Variants in ERC2 observed in about 807,000 individuals in gnomAD.
ERC2 encodes ERC protein 2.
A neutral mutation model predicts 114.8 loss-of-function variants in ERC2; 42 were observed. The ratio of observed to expected loss-of-function variants is 0.37; its 90% CI spans 0.29 to 0.47. ERC2 has a LOEUF of 0.47. Among genes scored for constraint, ERC2 ranks in the 20% least tolerant of loss-of-function variants. The pLI is 0.99. For missense variants in ERC2, 939 were observed against 1,150.7 expected (o/e 0.82, Z 2.66); for synonymous variants, 454 against 425.5 (o/e 1.07, Z -0.82).
chr3:55,835,042 T>C (rs1335990498), intron 14 of ERC2, among the ~76,000 whole-genome samples: 5 of 151,530 alleles, frequency 3.3e-5, no homozygotes, highest in Non-Finnish European at 7.4e-5. Context: ...CTCCCAAGAC[T>C]AAACCAGGAA....
At chr3:55,854,383 TG>T (rs111998435) in intron 14 of ERC2, among the ~76,000 whole-genome samples, 1 of 151,764 alleles carries the variant, frequency 6.6e-6, no homozygotes, top group African/African-American at 2.4e-5. Flanking sequence ...TGTTTTGTTT[TG>T]GTTTTGGTTT....
chr3:56,286,581 C>A (rs1334726435), intron 3 of ERC2, among the ~76,000 whole-genome samples: 1 of 152,082 alleles, frequency 6.6e-6, no homozygotes, highest in Non-Finnish European at 1.5e-5. Context: ...ACTTACTTAT[C>A]CTTAATTCAG....
chr3:55,683,302 T>A (rs1449304750), intron 17 of ERC2, among the ~76,000 whole-genome samples: 1 of 152,192 alleles, frequency 6.6e-6, no homozygotes, highest in African/African-American at 2.4e-5. Context: ...TAAACGGCCT[T>A]CTTAGAGATG....
In ERC2 at chr3:55,508,378, A is replaced by G. The variant is rs2051885843; in HGVS notation, c.*2938T>C. ...GATCAGCACAAAGTACTTCTCATACACATGACAACAAATTTATGAACTGTA... is the reference window on the plus strand; with the variant it reads ...GATCAGCACAAAGTACTTCTCATACGCATGACAACAAATTTATGAACTGTA... On this transcript the variant is annotated 3_prime_UTR_variant, in exon 18 of 18. Coordinates refer to ENST00000288221, the MANE Select transcript of ERC2 (RefSeq NM_015576.3). 6.5e-6 allele frequency: 1 copy of G among 152,684 alleles called. No individual in the cohort carries two copies. The allele number at this position is 152,684 out of a possible 1,614,324, so 9.5% of individuals were successfully genotyped here.
At chr3:55,662,581 G>A (rs1305037215) in intron 17 of ERC2, among the ~76,000 whole-genome samples, 3 of 152,178 alleles carry the variant, frequency 2.0e-5, no homozygotes, top group Non-Finnish European at 2.9e-5. Context: ...ATTGCTTCTG[G>A]GGAGAAGTGT....
At chr3:55,542,523 T>C (rs1348656305) in intron 17 of ERC2, among the ~76,000 whole-genome samples, 2 of 152,146 alleles carry the variant, frequency 1.3e-5, no homozygotes, top group African/African-American at 2.4e-5. Context: ...TTCTCATGCC[T>C]TGAAAAAGCA....
intron 3 of ERC2, among the ~76,000 whole-genome samples, chr3:56,294,663 T>G (rs1451929257): frequency 1.3e-5 from 2 of 152,240 alleles, no homozygotes; most frequent in African/African-American, 4.8e-5. Context: ...TGACATTCTG[T>G]TAATTTTGCC....
At chr3:56,234,157 T>C (rs999017092) in intron 3 of ERC2, among the ~76,000 whole-genome samples, 3 of 152,230 alleles carry the variant, frequency 2.0e-5, no homozygotes, top group Non-Finnish European at 4.4e-5. Flanking sequence ...TACAATTCTA[T>C]ATCTTAGAGA....
chr3:55,715,488 A>G (rs905946631), intron 15 of ERC2, among the ~76,000 whole-genome samples: 1 of 152,316 alleles, frequency 6.6e-6, no homozygotes. Context: ...GAACTTGGTA[A>G]TTATATAGAA....
intron 10 of ERC2, among the ~76,000 whole-genome samples, chr3:56,003,579 C>G (rs1165359123): frequency 2.0e-5 from 3 of 152,076 alleles, no homozygotes; most frequent in Non-Finnish European, 4.4e-5. Flanking sequence ...TACATTAACA[C>G]AAGCCTGAAT....
At chr3:56,346,130 G>A (rs1251642424) in intron 2 of ERC2, among the ~76,000 whole-genome samples, 3 of 152,038 alleles carry the variant, frequency 2.0e-5, no homozygotes, top group Non-Finnish European at 4.4e-5. Context: ...TTATGTTACA[G>A]GAATCTCTAT....
intron 1 of ERC2, among the ~76,000 whole-genome samples, chr3:56,467,877 G>C (rs1337859748): frequency 2.6e-5 from 4 of 152,004 alleles, no homozygotes; most frequent in Non-Finnish European, 4.4e-5. Flanking sequence ...AGGCAAGAGG[G>C]GACGCCAGGC....
chr3:55,722,880 T>G (rs1418993595), intron 15 of ERC2, among the ~76,000 whole-genome samples: 1 of 152,212 alleles, frequency 6.6e-6, no homozygotes, highest in Non-Finnish European at 1.5e-5. Context: ...TTTAAATATT[T>G]ACGAATGTCA....
chr3:56,281,034 T>C (rs2054302494), intron 3 of ERC2, among the ~76,000 whole-genome samples: 1 of 152,262 alleles, frequency 6.6e-6, no homozygotes, highest in Non-Finnish European at 1.5e-5. Flanking sequence ...AATATTTTGA[T>C]AAATCATAAG....
At chr3:55,849,566 C>T (rs367588980) in intron 14 of ERC2, among the ~76,000 whole-genome samples, 5 of 152,310 alleles carry the variant, frequency 3.3e-5, no homozygotes, top group South Asian at 4.1e-4. Flanking sequence ...TAATAGCTGG[C>T]ACCGACGCAG....
chr3:55,958,697 T>A (rs1321790855), intron 12 of ERC2, among the ~76,000 whole-genome samples: 1 of 152,032 alleles, frequency 6.6e-6, no homozygotes, highest in South Asian at 2.1e-4. Flanking sequence ...GAAGCTGGAG[T>A]GTCAGTGCTG....
intron 13 of ERC2, among the ~76,000 whole-genome samples, chr3:55,902,106 T>C (rs910620435): frequency 6.6e-6 from 1 of 152,238 alleles, no homozygotes; most frequent in Non-Finnish European, 1.5e-5. Flanking sequence ...GTTTCCTTAT[T>C]ATTATAATTC....
chr3:55,876,486 T>C (rs1390799073), intron 14 of ERC2, among the ~76,000 whole-genome samples: 2 of 152,148 alleles, frequency 1.3e-5, no homozygotes, highest in Non-Finnish European at 2.9e-5. Flanking sequence ...TTGTAAGAAG[T>C]GCTTCCCTAG....
At position 56,139,572 on chromosome 3, in the gene ERC2, G is replaced by A. The variant is rs2080726343; in HGVS notation, c.1410C>T (p.His470=). 2 of 1,613,954 alleles carry A rather than the reference G, an allele frequency of 1.2e-6. No homozygotes were observed. Among genetic ancestry groups the A allele is most frequent in the South Asian group, 1.1e-5 (1 of 91,034 alleles). The change falls in exon 6 of 18, where the codon CAC becomes CAT. Residue 470 remains histidine (H), a synonymous_variant. Transcript: ENST00000288221. ...TAAGTGACTCTTTGAGCACTTCAATGTGTTGCTTGCAATCTGAATTTTGAT... is the reference window on the plus strand; with the variant it reads ...TAAGTGACTCTTTGAGCACTTCAATATGTTGCTTGCAATCTGAATTTTGAT... ...LSNQNSDCKQ[H]IEVLKESLTA...
Sources: allele counts gnomAD v4.1 joint callset (sites outside exome capture counted in the v4.1 genomes callset), GRCh38; gene constraint gnomAD v4.1.1; transcripts MANE v1.5; gene names NCBI Gene and HGNC (gene_info 2026-07-23, HGNC 2026-07-21).